The following CTNNA2 variants were observed in gnomAD, a reference collection of about 807,000 sequenced individuals.
CTNNA2 encodes the protein catenin alpha-2.
A neutral mutation model predicts 101.0 loss-of-function variants in CTNNA2; 42 were observed. That is an observed-to-expected ratio of 0.42 (90% CI 0.32 to 0.54). CTNNA2 has a LOEUF of 0.54. Ranked by LOEUF, CTNNA2 falls within the 20% of genes least tolerant of loss-of-function variation. The pLI is 0.14. For synonymous variants in CTNNA2, 450 were observed against 456.4 expected, an observed-to-expected ratio of 0.99 and a Z score of 0.18; for missense variants, 871 against 1,223.1, an observed-to-expected ratio of 0.71 and a Z score of 4.29.
At chr2:79,961,655 T>C (rs1290002134) in intron 7 of CTNNA2, among the ~76,000 whole-genome samples, 2 of 151,734 alleles carry the variant, frequency 1.3e-5, no homozygotes, top group Non-Finnish European at 2.9e-5. Context: ...ACCCCGTCTC[T>C]ACTAAAAATA....
At chr2:79,451,062 T>C (rs1207685293) in intron 4 of CTNNA2, among the ~76,000 whole-genome samples, 4 of 152,222 alleles carry the variant, frequency 2.6e-5, no homozygotes, top group Non-Finnish European at 1.5e-5. Flanking sequence ...ACCGGAGTAG[T>C]ATGTAAAAAC....
At chr2:80,288,020 A>T (rs2149172333) in intron 7 of CTNNA2, among the ~76,000 whole-genome samples, 1 of 152,206 alleles carries the variant, frequency 6.6e-6, no homozygotes, top group South Asian at 2.1e-4. Context: ...TGATCTTGAT[A>T]CTCAAATCAT....
At chr2:80,577,285 TC>T (rs1695136412) in intron 13 of CTNNA2, among the ~76,000 whole-genome samples, 2 of 151,894 alleles carry the variant, frequency 1.3e-5, no homozygotes, top group Non-Finnish European at 2.9e-5. Flanking sequence ...AACCAAAGTA[TC>T]CTAAAGGGGA....
intron 7 of CTNNA2, among the ~76,000 whole-genome samples, chr2:80,122,164 C>G (rs565130728): frequency 6.6e-5 from 10 of 151,978 alleles, no homozygotes; most frequent in African/African-American, 2.4e-4. Context: ...TGGAATCTCT[C>G]TCTTTCTCTC....
chr2:80,582,337 A>G (rs180878543), intron 14 of CTNNA2, among the ~76,000 whole-genome samples: 31 of 152,234 alleles, frequency 2.0e-4, no homozygotes, highest in African/African-American at 7.0e-4. Context: ...TAGATAGAGA[A>G]CTTTTTCTTT....
intron 7 of CTNNA2, among the ~76,000 whole-genome samples, chr2:80,235,869 GT>G (rs1380891538): frequency 6.6e-6 from 1 of 152,124 alleles, no homozygotes; most frequent in Non-Finnish European, 1.5e-5. Context: ...AAGTAAACTT[GT>G]GTCATGGGGG....
intron 2 of CTNNA2, among the ~76,000 whole-genome samples, chr2:79,309,625 G>GAACCTAAC (rs1430842079): frequency 2.6e-5 from 4 of 152,088 alleles, no homozygotes; most frequent in Non-Finnish European, 5.9e-5. Flanking sequence ...ATTTGTGTAA[G>GAACCTAAC]ATGAGAGAAT....
intron 7 of CTNNA2, among the ~76,000 whole-genome samples, chr2:80,062,907 G>A (rs189285075): frequency 4.6e-5 from 7 of 152,004 alleles, no homozygotes; most frequent in South Asian, 2.1e-4. Context: ...GGGTTTCACC[G>A]TGTTAGCTAG....
At chr2:80,018,816 T>C (rs1266695217) in intron 7 of CTNNA2, among the ~76,000 whole-genome samples, 2 of 152,034 alleles carry the variant, frequency 1.3e-5, no homozygotes, top group Non-Finnish European at 2.9e-5. Flanking sequence ...ACCTTTTGTT[T>C]TTTGGAGATC....
At chr2:79,371,475 G>A (rs1159866281) in intron 3 of CTNNA2, among the ~76,000 whole-genome samples, 4 of 152,032 alleles carry the variant, frequency 2.6e-5, no homozygotes, top group African/African-American at 9.7e-5. Flanking sequence ...GGACCCAACA[G>A]CAAGAGACTC....
chr2:80,374,645 C>T (rs1025692361), intron 7 of CTNNA2, among the ~76,000 whole-genome samples: 32 of 151,384 alleles, frequency 2.1e-4, no homozygotes, highest in South Asian at 1.0e-3. Context: ...TCTTCTCCTT[C>T]GGCCCTCACA....
chr2:79,931,775 A>G (rs1372483925), intron 7 of CTNNA2, among the ~76,000 whole-genome samples: 1 of 152,104 alleles, frequency 6.6e-6, no homozygotes, highest in Non-Finnish European at 1.5e-5. Context: ...ACAAAAATAC[A>G]AGCAGATGTT....
intron 1 of CTNNA2, among the ~76,000 whole-genome samples, chr2:79,628,541 GGTAA>G (rs1033616863): frequency 1.6e-4 from 24 of 152,078 alleles, no homozygotes; most frequent in African/African-American, 5.3e-4. Context: ...TTACAGGATA[GGTAA>G]GTATTTGTGC....
intron 7 of CTNNA2, among the ~76,000 whole-genome samples, chr2:80,030,900 T>A (rs1466337003): frequency 6.6e-6 from 1 of 152,076 alleles, no homozygotes; most frequent in Non-Finnish European, 1.5e-5. Flanking sequence ...TCAACTTCAA[T>A]AATAATGGAG....
At chr2:80,528,525 G>A (rs1012431554) in intron 9 of CTNNA2, among the ~76,000 whole-genome samples, 1 of 151,984 alleles carries the variant, frequency 6.6e-6, no homozygotes, top group Non-Finnish European at 1.5e-5. Context: ...CAAGCCCCCA[G>A]GTATTGCCCT....
At chr2:79,269,882 T>A (rs1372422256) in intron 2 of CTNNA2, among the ~76,000 whole-genome samples, 3 of 152,134 alleles carry the variant, frequency 2.0e-5, no homozygotes, top group Non-Finnish European at 4.4e-5. Flanking sequence ...AAACCTAGAA[T>A]GAAATGCTGT....
intron 7 of CTNNA2, among the ~76,000 whole-genome samples, chr2:80,101,673 T>C (rs1160958024): frequency 6.6e-6 from 1 of 152,244 alleles, no homozygotes; most frequent in African/African-American, 2.4e-5. Context: ...ACATCTGTCC[T>C]CTGCAGCAGA....
chr2:79,565,148 GACTTTC>G (rs1558734547), intron 1 of CTNNA2, among the ~76,000 whole-genome samples: 1 of 151,934 alleles, frequency 6.6e-6, no homozygotes. Context: ...GGTGTTGTAG[GACTTTC>G]TCCTTAGCTA....
At chr2:79,930,795 T>C (rs1574341170) in intron 7 of CTNNA2, among the ~76,000 whole-genome samples, 1 of 152,254 alleles carries the variant, frequency 6.6e-6, no homozygotes. Context: ...ATCAAATTAA[T>C]ATTTTACTTC....
Sources: gnomAD v4.1 joint callset for allele counts (sites outside exome capture counted in the v4.1 genomes callset) on GRCh38, gnomAD v4.1.1 for gene constraint, MANE v1.5 for transcripts, NCBI Gene and HGNC (gene_info 2026-07-23, HGNC 2026-07-21) for gene names.